Variants in KCTD9 observed in about 807,000 individuals in gnomAD.
KCTD9 encodes the protein BTB/POZ domain-containing protein KCTD9.
Under a neutral mutation model 53.3 loss-of-function variants are expected in KCTD9, and 17 were observed. The ratio of observed to expected loss-of-function variants is 0.32; its 90% CI spans 0.22 to 0.48. The LOEUF is 0.48. Among genes scored for constraint, KCTD9 ranks in the 20% least tolerant of loss-of-function variants. KCTD9 has a pLI of 0.99. For missense variants in KCTD9, 179 were observed against 465.5 expected (o/e 0.38, Z 5.66); for synonymous variants, 128 against 162.7 (o/e 0.79, Z 1.62).
chr8:25,442,699 A>G (rs1267982371), intron 3 of KCTD9, among the ~76,000 whole-genome samples: 1 of 152,222 alleles, frequency 6.6e-6, no homozygotes, highest in Non-Finnish European at 1.5e-5. Flanking sequence ...GAGTGTATAA[A>G]GGGAGACACT....
chr8:25,439,456 G>A (rs377654990), intron 5 of KCTD9, 49 bp from the exon 6 acceptor site: 2 of 1,572,572 alleles, frequency 1.3e-6, no homozygotes, highest in African/African-American at 2.8e-5. Context: ...AAAAAATAAA[G>A]TCAGAAATGT....
At chr8:25,457,791 A>T (rs1196100315) in intron 1 of KCTD9, 1 of 162,070 alleles carries the variant, frequency 6.2e-6, no homozygotes, top group African/African-American at 2.4e-5. Flanking sequence ...TTCCGAGCAG[A>T]TCATTACTCA....
chr8:25,445,530 T>C (rs926223815), intron 2 of KCTD9, among the ~76,000 whole-genome samples: 6 of 152,152 alleles, frequency 3.9e-5, no homozygotes, highest in Non-Finnish European at 5.9e-5. Context: ...TTAATTTGTG[T>C]TCCCTTTACC....
chr8:25,433,537 C>T, intron 9 of KCTD9, 102 bp from the exon 10 acceptor site: 1 of 483,898 alleles, frequency 2.1e-6, no homozygotes, highest in Non-Finnish European at 3.7e-6. Flanking sequence ...AAAGGCTCAA[C>T]TCAAAACACT....
At chr8:25,455,191 C>T (rs995358350) in intron 1 of KCTD9, among the ~76,000 whole-genome samples, 14 of 152,006 alleles carry the variant, frequency 9.2e-5, no homozygotes, top group African/African-American at 3.4e-4. Context: ...CGCCACTTCA[C>T]TCCAGCCTGG....
chr8:25,437,555 G>A (rs1273497189), intron 6 of KCTD9, among the ~76,000 whole-genome samples: 2 of 152,060 alleles, frequency 1.3e-5, no homozygotes, highest in Admixed American at 6.6e-5. Flanking sequence ...GCAGGTGCCT[G>A]TAGTCCCAGC....
intron 1 of KCTD9, among the ~76,000 whole-genome samples, chr8:25,447,507 T>A (rs1802236550): frequency 6.6e-6 from 1 of 152,202 alleles, no homozygotes; most frequent in Admixed American, 6.5e-5. Context: ...CTAAGGCTGG[T>A]CCTCTGTCCA....
At chr8:25,432,738 G>T in intron 10 of KCTD9, 101 bp from the exon 11 acceptor site, 1 of 1,032,352 alleles carries the variant, frequency 9.7e-7, no homozygotes, top group African/African-American at 1.6e-5. Flanking sequence ...TTTAACTTTT[G>T]GAAATTAATC....
chr8:25,455,034 T>C (rs1802404595), intron 1 of KCTD9, among the ~76,000 whole-genome samples: 1 of 152,120 alleles, frequency 6.6e-6, no homozygotes, highest in South Asian at 2.1e-4. Flanking sequence ...AGGATCAGCC[T>C]GGCCAACATG....
At chr8:25,437,226 TC>T (rs1802033390) in intron 6 of KCTD9, among the ~76,000 whole-genome samples, 1 of 152,156 alleles carries the variant, frequency 6.6e-6, no homozygotes, top group Non-Finnish European at 1.5e-5. Context: ...CGGATATATA[TC>T]CCTGGTGGAA....
chr8:25,430,294 C>T (rs1463260086), intron 11 of KCTD9, among the ~76,000 whole-genome samples: 1 of 152,170 alleles, frequency 6.6e-6, no homozygotes, highest in Non-Finnish European at 1.5e-5. Flanking sequence ...GATACTGGTC[C>T]ATGGCCTGTT....
intron 1 of KCTD9, among the ~76,000 whole-genome samples, chr8:25,451,103 G>C (rs758429559): frequency 6.6e-6 from 1 of 152,114 alleles, no homozygotes; most frequent in African/African-American, 2.4e-5. Flanking sequence ...TATTCTTGAC[G>C]TTTGTTTTCC....
chr8:25,439,823 A>T, intron 4 of KCTD9, 159 bp from the exon 5 acceptor site: 1 of 1,437,476 alleles, frequency 7.0e-7, no homozygotes, highest in South Asian at 1.5e-5. Flanking sequence ...GTAAGTTGCC[A>T]TTTATCAGAT....
rs752725577 is a variant in KCTD9 at position 25,435,369 on chromosome 8, C to A, written c.807G>T (p.Val269=). Residue 269 remains valine (V), a synonymous_variant, in exon 9 of 12, where the codon GTG becomes GTT. Transcript: ENST00000221200. ...NLERADLSGS[V]LDCANLQGVK... Reference sequence around the variant, plus strand: ...AGCCTAAAATGATACTTACGTCAAGCACTGATCCAGAGAGATCAGCTCGTT... The same window carrying A: ...AGCCTAAAATGATACTTACGTCAAGAACTGATCCAGAGAGATCAGCTCGTT... The A allele has an allele frequency of 1.6e-5, 26 of 1,588,782 alleles. No homozygotes were observed. The South Asian group carries it at 2.8e-4, about 17-fold the overall frequency.
At chr8:25,442,924 C>T (rs1802149228) in intron 3 of KCTD9, among the ~76,000 whole-genome samples, 1 of 152,024 alleles carries the variant, frequency 6.6e-6, no homozygotes, top group Non-Finnish European at 1.5e-5. Context: ...TTCTATTAGT[C>T]TCCATGTCCC....
chr8:25,441,881 A>G (rs1563247561), intron 3 of KCTD9, among the ~76,000 whole-genome samples: 2 of 152,090 alleles, frequency 1.3e-5, no homozygotes, highest in Non-Finnish European at 1.5e-5. Flanking sequence ...ACACATCTGC[A>G]GTCCCAGCTC....
At chr8:25,438,477 C>G (rs1453415636) in intron 6 of KCTD9, among the ~76,000 whole-genome samples, 1 of 152,200 alleles carries the variant, frequency 6.6e-6, no homozygotes, top group Non-Finnish European at 1.5e-5. Context: ...AAACATGTCA[C>G]ATAAAATTTT....
chr8:25,435,578 A>G (rs1174174649), intron 8 of KCTD9, 66 bp from the exon 9 acceptor site: 3 of 1,430,796 alleles, frequency 2.1e-6, no homozygotes, highest in African/African-American at 2.9e-5. Context: ...TTTAATTACT[A>G]TAGCTAACCA....
intron 3 of KCTD9, among the ~76,000 whole-genome samples, chr8:25,441,212 G>A (rs541107922): frequency 1.3e-5 from 2 of 150,528 alleles, no homozygotes; most frequent in South Asian, 2.1e-4. Flanking sequence ...AAGTTAAGAG[G>A]TTTAATAGAC....
Sources: allele counts gnomAD v4.1 joint callset (sites outside exome capture counted in the v4.1 genomes callset), GRCh38; gene constraint gnomAD v4.1.1; transcripts MANE v1.5; gene names NCBI Gene and HGNC (gene_info 2026-07-23, HGNC 2026-07-21).